The following TAF1 variants were observed in gnomAD, a reference collection of about 807,000 sequenced individuals.
TAF1 encodes transcription initiation factor TFIID subunit 1.
In TAF1, 2 loss-of-function variants were observed where a neutral mutation model predicts 138.5. That is an observed-to-expected ratio of 0.01 (90% CI 0.01 to 0.05). The LOEUF (loss-of-function observed/expected upper bound fraction) is 0.05, where lower values mean the gene tolerates loss of function less well. Ranked by LOEUF, TAF1 falls within the 10% of genes least tolerant of loss-of-function variation. TAF1 has a pLI of 1.00. For missense variants in TAF1, 709 were observed against 1,478.0 expected (o/e 0.48, Z 8.53); for synonymous variants, 437 against 503.2 (o/e 0.87, Z 1.76).
At chrX:71,397,816 A>G (rs765085754) in intron 23 of TAF1, among the ~76,000 whole-genome samples, 2 of 111,171 alleles carry the variant, frequency 1.8e-5, no homozygotes, top group Non-Finnish European at 3.8e-5. Flanking sequence ...TAGGGAGAAT[A>G]GTAATAATGG....
At chrX:71,517,869 C>A (rs777685905) in intron 13 of TAF1, among the ~76,000 whole-genome samples, 13 of 110,698 alleles carry the variant, frequency 1.2e-4, no homozygotes, top group Non-Finnish European at 2.3e-4. Flanking sequence ...GTAATCATAT[C>A]GCATTACAGC....
chrX:71,530,088 AC>A, exon 15 of TAF1: 1 of 165,299 alleles, frequency 6.0e-6, no homozygotes. Context: ...CCATATCTTT[AC>A]CAGTGCAGCT....
At chrX:71,455,897 T>C (rs2038259052) in intron 34 of TAF1, among the ~76,000 whole-genome samples, 1 of 111,663 alleles carries the variant, frequency 9.0e-6, no homozygotes, top group African/African-American at 3.3e-5. Flanking sequence ...ATCTCGTTCA[T>C]GCACTATCCC....
intron 32 of TAF1, among the ~76,000 whole-genome samples, chrX:71,434,582 A>G: frequency 8.9e-6 from 1 of 111,823 alleles, no homozygotes; most frequent in Non-Finnish European, 1.9e-5. Context: ...GATAAGTAAC[A>G]CTCCATATAA....
chrX:71,459,752 G>A, intron 36 of TAF1, 44 bp downstream of exon 36: 1 of 1,199,354 alleles, frequency 8.3e-7, no homozygotes, highest in Non-Finnish European at 1.1e-6. Context: ...ACTCACTACA[G>A]CACCCTCAGA....
At chrX:71,370,763 G>C (rs186306589) in intron 3 of TAF1, among the ~76,000 whole-genome samples, 1 of 111,974 alleles carries the variant, frequency 8.9e-6, no homozygotes, top group African/African-American at 3.2e-5. Context: ...CTTGAACTTA[G>C]TTTTTTCGGG....
chrX:71,509,887 G>A (rs1414598718), intron 13 of TAF1, among the ~76,000 whole-genome samples: 3 of 110,972 alleles, frequency 2.7e-5, no homozygotes, highest in Non-Finnish European at 3.8e-5. Context: ...AATGAGGCAC[G>A]AGAATCTCTT....
chrX:71,468,520 T>C (rs764000243), downstream of TAF1, among the ~76,000 whole-genome samples: 191 of 108,154 alleles, frequency 1.8e-3, no homozygotes, highest in African/African-American at 6.0e-3. Context: ...ACCCCGTCTC[T>C]ACTAAAAATA....
intron 13 of TAF1, among the ~76,000 whole-genome samples, chrX:71,472,803 G>A (rs1339526148): frequency 8.9e-6 from 1 of 112,110 alleles, no homozygotes; most frequent in Non-Finnish European, 1.9e-5. Flanking sequence ...AGCTCAGAAT[G>A]AATAGCAAGT....
chrX:71,463,993 A>G lies in TAF1; in HGVS notation c.5569A>G (p.Ser1857Gly). The G allele has an allele frequency of 8.3e-7, 1 of 1,201,859 alleles. No homozygotes were observed. The highest frequency in any genetic ancestry group is 1.1e-6 in the Non-Finnish European group (1 of 890,174). ...QVHLSEDEED[S>G]EDFHSIAGDS... is the part of the protein sequence containing the mutation. Reference sequence around the variant, plus strand: ...CCACCTGTCAGAGGACGAGGAGGACAGTGAGGATTTCCACTCCATTGCTGG... The same window carrying G: ...CCACCTGTCAGAGGACGAGGAGGACGGTGAGGATTTCCACTCCATTGCTGG... Residue 1857 changes from serine (S) to glycine (G), a missense_variant, in exon 38 of 38, where the codon AGT becomes GGT. Coordinates refer to ENST00000423759, the MANE Select transcript of TAF1 (RefSeq NM_004606.5).
At chrX:71,375,400 A>G in intron 4 of TAF1, 114 bp downstream of exon 4, 7 of 987,882 alleles carry the variant, frequency 7.1e-6, no homozygotes, top group Non-Finnish European at 9.3e-6. Flanking sequence ...CAAAACTTCT[A>G]GAAATAATTC....
At chrX:71,408,887 G>A (rs993510290) in intron 28 of TAF1, among the ~76,000 whole-genome samples, 11 of 109,501 alleles carry the variant, frequency 1.0e-4, no homozygotes, top group Admixed American at 2.0e-4. Flanking sequence ...AGTGGCGGGC[G>A]CCTGTAGTCC....
rs1035076599 is a variant in TAF1 at position 71,407,803 on chromosome X, TTTTG to T, written c.4206+143_4206+146del. 3.1e-5 allele frequency: 30 copies of T among 957,068 alleles called. No individual in the cohort carries two copies. The African/African-American group carries it at 3.2e-4, about 10-fold the overall frequency. The allele number at this position is 957,068 out of a possible 1,213,427, so 78.9% of individuals were successfully genotyped here. A position where few individuals can be genotyped will look rare whatever the true frequency, so the allele number is the denominator to read the frequency against. ...GCCTAATTTTTAGGGAGTTAGTTTT[TTTTG>T]TTTGTTTGTTTTTTTAAGCAGTTTA... On this transcript the variant is annotated intron_variant, in intron 27 of 37. Transcript: ENST00000423759.
At chrX:71,393,530 A>C (rs1189993977) in intron 21 of TAF1, 54 bp downstream of exon 21, 16 of 1,135,804 alleles carry the variant, frequency 1.4e-5, no homozygotes, top group African/African-American at 3.7e-5. Flanking sequence ...GAGGAGTTCC[A>C]GGCACTATTT....
Position 71,471,092 on chromosome X carries a change from A to G in TAF1, c.1366+10289A>G, listed in dbSNP as rs758054235. On this transcript the variant is annotated intron_variant and NMD_transcript_variant, in intron 13 of 14. Coordinates refer to the TAF1 transcript ENST00000373775. ...TAGCACTTTGGGAGGCCGAGGCGGG[A>G]GAATCACGATGTCAAGAGATTGAGA... is the stretch of plus-strand genomic sequence containing the variant. Among the ~76,000 whole-genome samples, 9 of 108,422 alleles carry G rather than the reference A, an allele frequency of 8.3e-5. No homozygotes were observed. The East Asian group carries it at 2.3e-3, about 28-fold the overall frequency. 94.2% of individuals were successfully genotyped at this position (108,422 alleles called of 115,157 possible).
chrX:71,467,168 T>C (rs1452179292), downstream of TAF1, among the ~76,000 whole-genome samples: 1 of 104,313 alleles, frequency 9.6e-6, no homozygotes, highest in African/African-American at 3.5e-5. Flanking sequence ...CATAGGATAA[T>C]AGTGGAGAGA....
intron 28 of TAF1, among the ~76,000 whole-genome samples, chrX:71,409,364 C>T (rs1297019501): frequency 9.1e-6 from 1 of 110,441 alleles, no homozygotes; most frequent in Non-Finnish European, 1.9e-5. Context: ...TTGAGCTCAA[C>T]CGATCTTGCC....
At chrX:71,478,813 G>A (rs2039023964) in intron 13 of TAF1, among the ~76,000 whole-genome samples, 2 of 112,523 alleles carry the variant, frequency 1.8e-5, no homozygotes, top group Non-Finnish European at 3.8e-5. Context: ...AGAGAAAACA[G>A]GAATAGCCAA....
chrX:71,367,732 G>T, intron 2 of TAF1, 119 bp downstream of exon 2: 3 of 837,086 alleles, frequency 3.6e-6, no homozygotes, highest in Non-Finnish European at 3.4e-6. Context: ...GTGCAGTGGG[G>T]CGATCTGGGC....
Sources: allele counts gnomAD v4.1 joint callset (sites outside exome capture counted in the v4.1 genomes callset), GRCh38; gene constraint gnomAD v4.1.1; transcripts MANE v1.5; gene names NCBI Gene and HGNC (gene_info 2026-07-23, HGNC 2026-07-21).